Variants in SERPINB5 observed in about 807,000 individuals in gnomAD.
The protein encoded by SERPINB5 is serpin B5.
SERPINB5 carries 27 observed loss-of-function variants against 32.2 expected under a neutral mutation model. The ratio of observed to expected loss-of-function variants is 0.84; its 90% CI spans 0.62 to 1.16. The LOEUF is 1.16. Among genes scored for constraint, SERPINB5 ranks in the 50% most tolerant of loss-of-function variants. The pLI, the probability that SERPINB5 is intolerant of heterozygous loss-of-function variation, is 0.00. For missense variants in SERPINB5, 388 were observed against 436.3 expected, an observed-to-expected ratio of 0.89 and a Z score of 0.99; for synonymous variants, 154 against 157.4, an observed-to-expected ratio of 0.98 and a Z score of 0.16.
In SERPINB5 at chr18:63,505,014, G is replaced by A. The variant is rs577299023; in HGVS notation, c.*1292G>A. The A allele has an allele frequency of 1.3e-5, 2 of 152,078 alleles. No homozygotes were observed. Among genetic ancestry groups the A allele is most frequent in the African/African-American group, 4.8e-5 (2 of 41,500 alleles). The allele number at this position is 152,078 out of a possible 1,614,324, so 9.4% of individuals were successfully genotyped here. On this transcript the variant is annotated 3_prime_UTR_variant, in exon 7 of 7. Transcript: ENST00000382771. ...TCTTCCTTGACCTGCATTGTAAATA[G>A]GTTCTTCTTGTTCTGAGATTCAATA...
chr18:63,492,532 A>G (rs2144502533), intron 4 of SERPINB5, among the ~76,000 whole-genome samples: 1 of 152,384 alleles, frequency 6.6e-6, no homozygotes, highest in African/African-American at 2.4e-5. Context: ...AGTCAGAAAG[A>G]GCTGGCTTTG....
At chr18:63,482,607 T>C (rs1204795215) in intron 1 of SERPINB5, among the ~76,000 whole-genome samples, 1 of 152,158 alleles carries the variant, frequency 6.6e-6, no homozygotes, top group Non-Finnish European at 1.5e-5. Context: ...CTAATTGTCT[T>C]TGGAGTCGAT....
chr18:63,488,194 A>C (rs758059221), intron 3 of SERPINB5, among the ~76,000 whole-genome samples: 1 of 152,212 alleles, frequency 6.6e-6, no homozygotes, highest in Non-Finnish European at 1.5e-5. Flanking sequence ...TGGTTCTGTC[A>C]GTCAATGGTG....
intron 6 of SERPINB5, among the ~76,000 whole-genome samples, chr18:63,502,414 C>T (rs937511552): frequency 5.3e-5 from 8 of 152,136 alleles, no homozygotes; most frequent in African/African-American, 1.2e-4. Context: ...GGATTGCAGG[C>T]GTGAGCCACT....
chr18:63,499,047 G>GTGTATATATATATATA (rs376117295), intron 5 of SERPINB5, 73 bp from the exon 6 acceptor site: 3 of 497,852 alleles, frequency 6.0e-6, no homozygotes, highest in South Asian at 5.4e-5. Context: ...GCGCGTGTGT[G>GTGTATATATATATATA]TATATATATA....
At chr18:63,497,481 A>G in intron 5 of SERPINB5, 2 of 472,784 alleles carry the variant, frequency 4.2e-6, no homozygotes, top group Non-Finnish European at 7.6e-6. Context: ...AAGCTTTACC[A>G]TTGAACACAA....
chr18:63,492,914 A>T, intron 4 of SERPINB5, 39 bp from the exon 5 acceptor site: 2 of 1,590,200 alleles, frequency 1.3e-6, no homozygotes, highest in African/African-American at 2.7e-5. Context: ...AGTTTGGAAG[A>T]ATAATTCTGC....
intron 1 of SERPINB5, 48 bp from the exon 2 acceptor site, chr18:63,484,374 C>T (rs906387573): frequency 1.9e-5 from 29 of 1,533,090 alleles, no homozygotes; most frequent in East Asian, 7.0e-5. Flanking sequence ...GTTGAGAAGA[C>T]GTTAAAGATG....
intron 1 of SERPINB5, among the ~76,000 whole-genome samples, chr18:63,480,216 A>C (rs1310475622): frequency 6.6e-6 from 1 of 152,260 alleles, no homozygotes; most frequent in Non-Finnish European, 1.5e-5. Context: ...ACAGATTGCG[A>C]AAGCAAGGTA....
intron 1 of SERPINB5, among the ~76,000 whole-genome samples, chr18:63,483,966 A>G (rs9967149): frequency 0.12 from 17,681 of 152,316 alleles, 2,143 homozygotes; most frequent in African/African-American, 0.3. Flanking sequence ...AACCCATTAC[A>G]CTTACTAAAT....
rs1397295276 is a variant in SERPINB5 at position 63,499,299 on chromosome 18, G to A, written c.735+12G>A. On this transcript the variant is annotated intron_variant, in intron 6 of 6. Coordinates refer to ENST00000382771, the MANE Select transcript of SERPINB5 (RefSeq NM_002639.5). ...CAGGCTTGGAGAAGGTAAGGAGAAG[G>A]CAGGTGCTCTCCACAAAGGCACCCC... The A allele has an allele frequency of 6.5e-7, 1 of 1,533,196 alleles. No homozygotes were observed. The highest frequency in any genetic ancestry group is 8.8e-7 in the Non-Finnish European group (1 of 1,136,682). 95.0% of individuals were successfully genotyped at this position (1,533,196 alleles called of 1,614,324 possible). A position where few individuals can be genotyped will look rare whatever the true frequency, so the allele number is the denominator to read the frequency against.
At chr18:63,482,962 G>A (rs920015124) in intron 1 of SERPINB5, among the ~76,000 whole-genome samples, 2 of 151,938 alleles carry the variant, frequency 1.3e-5, no homozygotes, top group Non-Finnish European at 2.9e-5. Flanking sequence ...TAATAGAAGG[G>A]ATGTCATATA....
chr18:63,476,991 C>T lies in SERPINB5; in HGVS notation c.-62C>T. 6.6e-6 allele frequency: 1 copy of T among 152,512 alleles called. No individual in the cohort carries two copies. The highest frequency in any genetic ancestry group is 1.5e-5 in the Non-Finnish European group (1 of 68,138). 9.4% of individuals were successfully genotyped at this position (152,512 alleles called of 1,614,324 possible). ...TCGCCTCCACATCCAGGTCTTTGTG[C>T]TCCTCGCTTGCCTGTTCCTTTTCCA... On this transcript the variant is annotated 5_prime_UTR_variant, in exon 1 of 7. Transcript: ENST00000382771.
chr18:63,490,311 C>G (rs1405059487), intron 4 of SERPINB5, among the ~76,000 whole-genome samples: 1 of 152,134 alleles, frequency 6.6e-6, no homozygotes, highest in Non-Finnish European at 1.5e-5. Flanking sequence ...GGTTCTTTCT[C>G]CGGCTCAGTG....
chr18:63,493,205 C>A, intron 5 of SERPINB5, 110 bp downstream of exon 5: 1 of 1,421,002 alleles, frequency 7.0e-7, no homozygotes, highest in Admixed American at 1.7e-5. Context: ...AGGGCACGGC[C>A]GGCAAAGTGC....
Position 63,493,103 on chromosome 18 carries a change from G to C in SERPINB5, c.567+8G>C. The C allele has an allele frequency of 6.2e-7, 1 of 1,614,128 alleles. No homozygotes were observed. Among genetic ancestry groups the C allele is most frequent in the African/African-American group, 1.3e-5 (1 of 75,006 alleles). On this transcript the variant is annotated splice_region_variant and intron_variant, in intron 5 of 6. Coordinates refer to ENST00000382771, the MANE Select transcript of SERPINB5 (RefSeq NM_002639.5). ...CCTTTCAGAGTCAACAAGGTATGTG[G>C]GGCAGCATGTAGCAGTAAAAGGAGC...
At chr18:63,492,779 G>C (rs919454625) in intron 4 of SERPINB5, among the ~76,000 whole-genome samples, 174 bp from the exon 5 acceptor site, 12 of 152,172 alleles carry the variant, frequency 7.9e-5, no homozygotes, top group African/African-American at 2.9e-4. Context: ...AGATCTGGTT[G>C]TGTCAAGGTA....
chr18:63,496,725 A>C (rs1400378044), intron 5 of SERPINB5, among the ~76,000 whole-genome samples: 1 of 152,256 alleles, frequency 6.6e-6, no homozygotes, highest in Non-Finnish European at 1.5e-5. Flanking sequence ...TTTAGTTAAC[A>C]GGCAAATATC....
At chr18:63,499,810 C>CT (rs1229936151) in intron 6 of SERPINB5, among the ~76,000 whole-genome samples, 60 of 151,628 alleles carry the variant, frequency 4.0e-4, no homozygotes, top group African/African-American at 1.1e-3. Flanking sequence ...CTTGCTCTTT[C>CT]TTTTTTTTTA....
Sources: gnomAD v4.1 joint callset for allele counts (sites outside exome capture counted in the v4.1 genomes callset) on GRCh38, gnomAD v4.1.1 for gene constraint, MANE v1.5 for transcripts, NCBI Gene and HGNC (gene_info 2026-07-23, HGNC 2026-07-21) for gene names.